TRAF1: variants seen among roughly 807,000 people sequenced by gnomAD.
TRAF1 encodes the protein TNF receptor-associated factor 1.
A neutral mutation model predicts 40.9 loss-of-function variants in TRAF1; 23 were observed. The observed-to-expected ratio is 0.56, with a 90% CI of 0.40 to 0.80. The LOEUF (loss-of-function observed/expected upper bound fraction) is 0.80, where lower values mean the gene tolerates loss of function less well. Ranked by LOEUF, TRAF1 falls within the 30% of genes least tolerant of loss-of-function variation. The pLI, the probability that TRAF1 is intolerant of heterozygous loss-of-function variation, is 0.00. For synonymous variants in TRAF1, 206 were observed against 218.8 expected (o/e 0.94, Z 0.52); for missense variants, 477 against 528.7 (o/e 0.90, Z 0.96).
rs1306508814 is a variant in TRAF1 at position 120,903,922 on chromosome 9, T to G, written c.*1098A>C. On this transcript the variant is annotated 3_prime_UTR_variant, in exon 8 of 8. Transcript: ENST00000373887. ...CAGCAATGGCCTTTTCAAACCTGGC[T>G]CAGTACAAACAACTCCCAAACCATA... The G allele has an allele frequency of 2.6e-5, 4 of 152,238 alleles. No homozygotes were observed. The highest frequency in any genetic ancestry group is 9.7e-5 in the African/African-American group (4 of 41,450). 9.4% of individuals were successfully genotyped at this position (152,238 alleles called of 1,614,324 possible).
intron 3 of TRAF1, among the ~76,000 whole-genome samples, chr9:120,921,771 CA>C (rs1220430416): frequency 2.0e-5 from 3 of 152,158 alleles, no homozygotes; most frequent in Non-Finnish European, 2.9e-5. Flanking sequence ...GGAGAGTGCT[CA>C]AAACCAGCTC....
intron 6 of TRAF1, among the ~76,000 whole-genome samples, chr9:120,909,843 C>A (rs1257325735): frequency 6.6e-6 from 1 of 152,208 alleles, no homozygotes; most frequent in Non-Finnish European, 1.5e-5. Context: ...TGCCTCCCAG[C>A]AGCAGTTTCT....
intron 2 of TRAF1, among the ~76,000 whole-genome samples, chr9:120,925,395 T>TA (rs2046632529): frequency 6.6e-6 from 1 of 152,226 alleles, no homozygotes; most frequent in Non-Finnish European, 1.5e-5. Flanking sequence ...GGGTTGTTAA[T>TA]ATTTTAAGTA....
intron 6 of TRAF1, among the ~76,000 whole-genome samples, chr9:120,909,873 C>T (rs959334705): frequency 2.0e-5 from 3 of 152,240 alleles, no homozygotes; most frequent in Non-Finnish European, 2.9e-5. Flanking sequence ...CCTATGCCAA[C>T]TGGCTGGGGT....
chr9:120,923,778 T>C lies in TRAF1; in HGVS notation c.155A>G (p.Gln52Arg). The C allele has an allele frequency of 6.2e-7, 1 of 1,614,162 alleles. No individual in the cohort carries two copies. The highest frequency in any genetic ancestry group is 1.7e-5 in the Admixed American group (1 of 60,024). Residue 52 changes from glutamine (Q) to arginine (R), a missense_variant, in exon 3 of 8, where the codon CAG (glutamine) becomes CGG (arginine). Physicochemically the swap from Gln to Arg is conservative, Grantham distance 43. Coordinates refer to ENST00000373887, the MANE Select transcript of TRAF1 (RefSeq NM_005658.5). ...LSENPRNGEDQICPKCRGEDL... is the reference protein window; with the variant it reads ...LSENPRNGEDRICPKCRGEDL... ...TTCCCCTCTGCATTTGGGGCAGATCTGATCCTCGCCATTCCTGGGGAAACA... is the reference window on the plus strand; with the variant it reads ...TTCCCCTCTGCATTTGGGGCAGATCCGATCCTCGCCATTCCTGGGGAAACA...
chr9:120,906,189 T>TG, intron 7 of TRAF1, among the ~76,000 whole-genome samples: 1 of 150,030 alleles, frequency 6.7e-6, no homozygotes, highest in Non-Finnish European at 1.5e-5. Flanking sequence ...TTTTTTTTTT[T>TG]TTTTTTTGAG....
intron 3 of TRAF1, among the ~76,000 whole-genome samples, chr9:120,917,912 C>A (rs1192746187): frequency 1.3e-5 from 2 of 152,104 alleles, no homozygotes; most frequent in Non-Finnish European, 2.9e-5. Context: ...GTCCTAACCA[C>A]CAGTATCTCA....
chr9:120,924,640 C>T (rs1403638534), intron 2 of TRAF1, among the ~76,000 whole-genome samples: 2 of 152,186 alleles, frequency 1.3e-5, no homozygotes, highest in African/African-American at 4.8e-5. Flanking sequence ...GTCTCAAACT[C>T]CTGACCTCAA....
Position 120,911,474 on chromosome 9 carries a change from C to G in TRAF1, c.745G>C (p.Ala249Pro). 6.2e-7 allele frequency: 1 copy of G among 1,613,214 alleles called. No individual in the cohort carries two copies. The highest frequency in any genetic ancestry group is 8.5e-7 in the Non-Finnish European group (1 of 1,179,904). The change falls in exon 6 of 8, where the codon GCC becomes CCC. Residue 249 changes from alanine (A) to proline (P), a missense_variant. By Grantham distance (27) the Ala-to-Pro change is conservative. Coordinates refer to ENST00000373887, the MANE Select transcript of TRAF1 (RefSeq NM_005658.5). The part of the protein sequence containing the change: ...LQQTLAQKDQ[A>P]LGKLEQSLRL... ...AAGCTCTGCTCCAGCTTGCCCAGGG[C>G]CTGGTCTTTCTGGGCCAGGGTCTGC...
chr9:120,923,811 A>T lies in TRAF1; in HGVS notation c.141-19T>A, dbSNP rs1189986010. The T allele has an allele frequency of 6.2e-7, 1 of 1,612,414 alleles. No individual in the cohort carries two copies. Among genetic ancestry groups the T allele is most frequent in the East Asian group, 2.2e-5 (1 of 44,864 alleles). Reference sequence around the variant, plus strand: ...GCCATTCCTGGGGAAACATGGACAAAGCCTTGGAGAGAGGCACTACAGCTC... The same window carrying T: ...GCCATTCCTGGGGAAACATGGACAATGCCTTGGAGAGAGGCACTACAGCTC... On this transcript the variant is annotated intron_variant, in intron 2 of 7. Transcript: ENST00000373887.
Position 120,905,032 on chromosome 9 carries a change from C to A in TRAF1, c.1239G>T (p.Glu413Asp). Residue 413 changes from glutamate (E) to aspartate (D), a missense_variant, in exon 8 of 8, where the codon GAG (glutamate) becomes GAT (aspartate). Physicochemically the swap from Glu to Asp is conservative, Grantham distance 45. Coordinates refer to ENST00000373887, the MANE Select transcript of TRAF1 (RefSeq NM_005658.5). ...DDTMFLKCIV[E>D]TST Reference sequence around the variant, plus strand: ...AGCCCCGCCCACCCTAAGTGCTGGTCTCCACAATGCACTTGAGGAACATTG... The same window carrying A: ...AGCCCCGCCCACCCTAAGTGCTGGTATCCACAATGCACTTGAGGAACATTG... The A allele has an allele frequency of 6.2e-7, 1 of 1,613,798 alleles. No individual in the cohort carries two copies. Among genetic ancestry groups the A allele is most frequent in the Non-Finnish European group, 8.5e-7 (1 of 1,179,960 alleles).
intron 6 of TRAF1, 97 bp downstream of exon 6, chr9:120,911,239 G>T: frequency 7.2e-7 from 1 of 1,388,190 alleles, no homozygotes; most frequent in Non-Finnish European, 9.8e-7. Context: ...TGGACACAGC[G>T]TGTCTGTCAC....
chr9:120,923,241 C>A (rs1409201715), intron 3 of TRAF1, among the ~76,000 whole-genome samples: 2 of 152,160 alleles, frequency 1.3e-5, no homozygotes, highest in African/African-American at 4.8e-5. Flanking sequence ...GGGCTCATAA[C>A]AATTCTGTGA....
In TRAF1 at chr9:120,904,205, T is replaced by TGGTGTTTA. The variant is rs2046461734; in HGVS notation, c.*807_*814dup. On this transcript the variant is annotated 3_prime_UTR_variant, in exon 8 of 8. Transcript: ENST00000373887. ...TGGGTTTCACCTGCATGAAGTGACG[T>TGGTGTTTA]GGTGTTTAGCTGATGGAGGCACAGG... 1.3e-5 allele frequency: 2 copies of TGGTGTTTA among 152,106 alleles called. No individual in the cohort carries two copies. Among genetic ancestry groups the TGGTGTTTA allele is most frequent in the Non-Finnish European group, 2.9e-5 (2 of 68,108 alleles). The allele number at this position is 152,106 out of a possible 1,614,324, so 9.4% of individuals were successfully genotyped here.
At position 120,911,508 on chromosome 9, in the gene TRAF1, C is replaced by A. The variant is rs1212758501; in HGVS notation, c.711G>T (p.Val237=). ...TCTGGGCCAGGGTCTGCTGAAGCTC[C>A]ACCACCTGTAGGGAAGACTGTTCAG... ...ERILSLEQRV[V]ELQQTLAQKD... The change falls in exon 6 of 8, where the codon GTG becomes GTT. Residue 237 remains valine, a synonymous_variant. Transcript: ENST00000373887. 6.2e-7 allele frequency: 1 copy of A among 1,611,134 alleles called. No homozygotes were observed. Among genetic ancestry groups the A allele is most frequent in the African/African-American group, 1.3e-5 (1 of 74,924 alleles).
In TRAF1 at chr9:120,903,928, C is replaced by T. The variant is rs934729490; in HGVS notation, c.*1092G>A. On this transcript the variant is annotated 3_prime_UTR_variant, in exon 8 of 8. Transcript: ENST00000373887. ...TGGCCTTTTCAAACCTGGCTCAGTA[C>T]AAACAACTCCCAAACCATACACTTT... The T allele has an allele frequency of 2.6e-5, 4 of 152,252 alleles. No homozygotes were observed. Among genetic ancestry groups the T allele is most frequent in the African/African-American group, 9.6e-5 (4 of 41,460 alleles). The allele number at this position is 152,252 out of a possible 1,614,324, so 9.4% of individuals were successfully genotyped here. A position where few individuals can be genotyped will look rare whatever the true frequency, so the allele number is the denominator to read the frequency against.
chr9:120,905,064 C>G lies in TRAF1; in HGVS notation c.1207G>C (p.Asp403His). Reference protein sequence around the residue: ...LQSPKHAYVKDDTMFLKCIVE... With the variant: ...LQSPKHAYVKHDTMFLKCIVE... Reference sequence around the variant, plus strand: ...ATGCACTTGAGGAACATTGTGTCGTCCTTCACGTAGGCGTGCTTGGGTGAC... The same window carrying G: ...ATGCACTTGAGGAACATTGTGTCGTGCTTCACGTAGGCGTGCTTGGGTGAC... Residue 403 changes from aspartate (D) to histidine (H), a missense_variant, in exon 8 of 8, where the codon GAC becomes CAC. Coordinates refer to ENST00000373887, the MANE Select transcript of TRAF1 (RefSeq NM_005658.5). 1 of 1,614,256 alleles carries G rather than the reference C, an allele frequency of 6.2e-7. No homozygotes were observed. The highest frequency in any genetic ancestry group is 8.5e-7 in the Non-Finnish European group (1 of 1,180,052).
intron 3 of TRAF1, among the ~76,000 whole-genome samples, chr9:120,918,363 T>G (rs1285773628): frequency 6.6e-6 from 1 of 152,028 alleles, no homozygotes; most frequent in African/African-American, 2.4e-5. Flanking sequence ...TCATATTTAT[T>G]GAAATTATTC....
At chr9:120,911,873 G>T (rs2046530641) in intron 5 of TRAF1, among the ~76,000 whole-genome samples, 1 of 152,136 alleles carries the variant, frequency 6.6e-6, no homozygotes, top group Admixed American at 6.5e-5. Flanking sequence ...GTGTCTTTGT[G>T]TCCATGCCTT....
Sources: allele counts gnomAD v4.1 joint callset (sites outside exome capture counted in the v4.1 genomes callset), GRCh38; gene constraint gnomAD v4.1.1; transcripts MANE v1.5; gene names NCBI Gene and HGNC (gene_info 2026-07-23, HGNC 2026-07-21).